The following DPYD variants were observed in gnomAD, a reference collection of about 807,000 sequenced individuals.
The protein encoded by DPYD is dihydropyrimidine dehydrogenase.
In DPYD, 109 loss-of-function variants were observed where a neutral mutation model predicts 116.2. The observed-to-expected ratio is 0.94, with a 90% CI of 0.80 to 1.10. The LOEUF (loss-of-function observed/expected upper bound fraction) is 1.10. DPYD is among the 50% of genes least tolerant of loss of function. The pLI, the probability that DPYD is intolerant of heterozygous loss-of-function variation, is 0.00. For missense variants in DPYD, 1,302 were observed against 1,254.5 expected, an observed-to-expected ratio of 1.04 and a Z score of -0.57; for synonymous variants, 440 against 432.0, an observed-to-expected ratio of 1.02 and a Z score of -0.23.
At chr1:97,463,200 G>A (rs547333313) in intron 13 of DPYD, among the ~76,000 whole-genome samples, 1 of 152,294 alleles carries the variant, frequency 6.6e-6, no homozygotes, top group South Asian at 2.1e-4. Context: ...CGAATGTTGA[G>A]GGAGGGACCC....
intron 20 of DPYD, among the ~76,000 whole-genome samples, chr1:97,151,391 G>C (rs1655003066): frequency 6.6e-6 from 1 of 151,986 alleles, no homozygotes; most frequent in South Asian, 2.1e-4. Context: ...GGGTGCAGTG[G>C]GGCTGGGTGC....
intron 3 of DPYD, among the ~76,000 whole-genome samples, chr1:97,745,838 A>G (rs1664519596): frequency 6.6e-6 from 1 of 152,098 alleles, no homozygotes; most frequent in Admixed American, 6.6e-5. Context: ...TCTACGTACA[A>G]AAACAGGTTA....
intron 13 of DPYD, among the ~76,000 whole-genome samples, chr1:97,479,514 T>C (rs986769975): frequency 3.9e-5 from 6 of 152,096 alleles, no homozygotes; most frequent in African/African-American, 1.4e-4. Context: ...TACAATAACA[T>C]CAAAGATCAT....
At chr1:97,503,176 TA>T (rs1362162369) in intron 13 of DPYD, among the ~76,000 whole-genome samples, 1 of 152,064 alleles carries the variant, frequency 6.6e-6, no homozygotes, top group Non-Finnish European at 1.5e-5. Flanking sequence ...GTATACATTT[TA>T]TTTACCTGTG....
intron 10 of DPYD, among the ~76,000 whole-genome samples, chr1:97,590,272 C>A (rs144982451): frequency 1.3e-5 from 2 of 152,164 alleles, no homozygotes; most frequent in African/African-American, 4.8e-5. Flanking sequence ...ATTATTCCAT[C>A]TCTCCAAGAA....
intron 18 of DPYD, among the ~76,000 whole-genome samples, chr1:97,291,936 A>G (rs1666207656): frequency 6.6e-6 from 1 of 152,162 alleles, no homozygotes; most frequent in African/African-American, 2.4e-5. Flanking sequence ...TACCAAAGAT[A>G]TATATTTTTC....
At chr1:97,126,744 C>T (rs191662577) in intron 20 of DPYD, among the ~76,000 whole-genome samples, 6 of 152,232 alleles carry the variant, frequency 3.9e-5, no homozygotes, top group East Asian at 3.9e-4. Context: ...CAAATACATT[C>T]GTTGAGTAAA....
At chr1:97,171,053 A>C (rs1656687963) in intron 20 of DPYD, among the ~76,000 whole-genome samples, 1 of 152,198 alleles carries the variant, frequency 6.6e-6, no homozygotes, top group Non-Finnish European at 1.5e-5. Context: ...AAATATATGC[A>C]TGTAAATAAA....
intron 11 of DPYD, among the ~76,000 whole-genome samples, chr1:97,555,113 C>G (rs897024551): frequency 3.9e-5 from 6 of 152,102 alleles, no homozygotes; most frequent in Non-Finnish European, 5.9e-5. Flanking sequence ...TAGTCTTCAG[C>G]TCTTTTGCCT....
intron 2 of DPYD, among the ~76,000 whole-genome samples, chr1:97,835,897 C>T (rs999399336): frequency 1.3e-5 from 2 of 152,090 alleles, no homozygotes; most frequent in African/African-American, 4.8e-5. Context: ...TGAAAATCTA[C>T]TATTTCAACC....
chr1:97,414,364 T>C (rs1470948727), intron 14 of DPYD, among the ~76,000 whole-genome samples: 29 of 152,246 alleles, frequency 1.9e-4, no homozygotes, highest in Admixed American at 1.8e-3. Flanking sequence ...CAGTAGATGC[T>C]GTGAAGCTCA....
At chr1:97,680,139 T>C (rs1434711152) in intron 7 of DPYD, among the ~76,000 whole-genome samples, 1 of 152,132 alleles carries the variant, frequency 6.6e-6, no homozygotes, top group Non-Finnish European at 1.5e-5. Flanking sequence ...AAGAGCATAA[T>C]TGAAATTGTT....
intron 1 of DPYD, among the ~76,000 whole-genome samples, chr1:97,906,641 G>A (rs1294974754): frequency 1.3e-5 from 2 of 152,070 alleles, no homozygotes; most frequent in African/African-American, 4.8e-5. Context: ...CTCCCCCAGT[G>A]GATGTCTGAA....
intron 20 of DPYD, among the ~76,000 whole-genome samples, chr1:97,128,051 G>A (rs77800110): frequency 1.3e-5 from 2 of 152,292 alleles, no homozygotes; most frequent in East Asian, 3.9e-4. Context: ...AGGTTCCTCA[G>A]TATCAAGTAT....
intron 16 of DPYD, among the ~76,000 whole-genome samples, chr1:97,340,218 G>T (rs1669523219): frequency 6.6e-6 from 1 of 151,970 alleles, no homozygotes; most frequent in South Asian, 2.1e-4. Flanking sequence ...AAGAAAAAAA[G>T]AATGCAGGAA....
chr1:97,548,691 G>A (rs186424957), intron 12 of DPYD, among the ~76,000 whole-genome samples: 40 of 152,200 alleles, frequency 2.6e-4, no homozygotes, highest in African/African-American at 8.2e-4. Flanking sequence ...AGCCAAGATC[G>A]TGCCACTGCA....
chr1:97,554,499 T>C (rs1386389134), intron 11 of DPYD, among the ~76,000 whole-genome samples: 1 of 152,078 alleles, frequency 6.6e-6, no homozygotes, highest in African/African-American at 2.4e-5. Context: ...TATGTCCTTG[T>C]TGTTTAATTT....
intron 3 of DPYD, among the ~76,000 whole-genome samples, chr1:97,772,735 A>C (rs1666208026): frequency 1.3e-5 from 2 of 152,236 alleles, no homozygotes; most frequent in South Asian, 2.1e-4. Context: ...AGAATGGAGA[A>C]TCTAGCATAA....
At chr1:97,660,846 T>C (rs566211846) in intron 8 of DPYD, among the ~76,000 whole-genome samples, 2 of 152,300 alleles carry the variant, frequency 1.3e-5, no homozygotes, top group East Asian at 3.9e-4. Flanking sequence ...CCTATGTTCT[T>C]CTTTTCTGGT....
Sources: gnomAD v4.1 joint callset for allele counts (sites outside exome capture counted in the v4.1 genomes callset) on GRCh38, gnomAD v4.1.1 for gene constraint, MANE v1.5 for transcripts, NCBI Gene and HGNC (gene_info 2026-07-23, HGNC 2026-07-21) for gene names.